Variants in GALNT17 observed in about 807,000 individuals in gnomAD.
The protein encoded by GALNT17 is polypeptide N-acetylgalactosaminyltransferase 17.
A neutral mutation model predicts 63.7 loss-of-function variants in GALNT17; 29 were observed. That is an observed-to-expected ratio of 0.46 (90% CI 0.34 to 0.62). The LOEUF is 0.62. Among genes scored for constraint, GALNT17 ranks in the 20% least tolerant of loss-of-function variants. The probability of loss-of-function intolerance (pLI) is 0.01; values close to 1 mark genes in which losing one functional copy is unlikely to be tolerated. For synonymous variants in GALNT17, 305 were observed against 318.3 expected (o/e 0.96, Z 0.45); for missense variants, 603 against 799.6 (o/e 0.75, Z 2.97).
At chr7:71,595,704 C>CACACAG (rs1789875708) in intron 6 of GALNT17, among the ~76,000 whole-genome samples, 1 of 140,408 alleles carries the variant, frequency 7.1e-6, no homozygotes, top group Non-Finnish European at 1.5e-5. Flanking sequence ...CACACACACA[C>CACACAG]CATATTGCCT....
intron 9 of GALNT17, among the ~76,000 whole-genome samples, chr7:71,702,896 G>A (rs1791672372): frequency 1.3e-5 from 2 of 152,214 alleles, no homozygotes; most frequent in South Asian, 4.1e-4. Flanking sequence ...ATAGATGCTG[G>A]ATGAGTGTAT....
intron 5 of GALNT17, among the ~76,000 whole-genome samples, chr7:71,536,530 C>T (rs201444598): frequency 6.6e-6 from 1 of 152,164 alleles, no homozygotes; most frequent in African/African-American, 2.4e-5. Context: ...GCACTTCTTA[C>T]ATGGCGATGG....
At chr7:71,657,878 ATGGATGGATGGATGGATGGATGGATGGG>A (rs1227251065) in intron 6 of GALNT17, among the ~76,000 whole-genome samples, 2,470 of 27,594 alleles carry the variant, frequency 0.09, 55 homozygotes, top group African/African-American at 0.19. Flanking sequence ...GGATGGATGG[ATGGATGGATGGATGGATGGATGGATGGG>A]TGGATGGATG....
At chr7:71,408,051 A>T (rs1432786432) in intron 3 of GALNT17, among the ~76,000 whole-genome samples, 1 of 152,176 alleles carries the variant, frequency 6.6e-6, no homozygotes, top group South Asian at 2.1e-4. Flanking sequence ...AATGGTCAAA[A>T]CATTTTAAAC....
intron 5 of GALNT17, among the ~76,000 whole-genome samples, chr7:71,426,676 T>G (rs186109394): frequency 5.1e-4 from 77 of 152,188 alleles, no homozygotes; most frequent in African/African-American, 1.8e-3. Context: ...ATCCCAGCAC[T>G]TTGGGAGGCC....
At chr7:71,492,793 T>G (rs368529593) in intron 5 of GALNT17, among the ~76,000 whole-genome samples, 1 of 152,316 alleles carries the variant, frequency 6.6e-6, no homozygotes, top group South Asian at 2.1e-4. Flanking sequence ...CATTATTCCC[T>G]TTTCCTTTCG....
intron 5 of GALNT17, among the ~76,000 whole-genome samples, chr7:71,432,676 A>G (rs1786889169): frequency 6.6e-6 from 1 of 152,224 alleles, no homozygotes; most frequent in Admixed American, 6.5e-5. Context: ...ATTAAAAAAC[A>G]GAAGAAAGAG....
intron 1 of GALNT17, among the ~76,000 whole-genome samples, chr7:71,289,140 T>G (rs986169016): frequency 4.0e-5 from 6 of 151,734 alleles, no homozygotes; most frequent in African/African-American, 1.5e-4. Flanking sequence ...ACAAATAGCT[T>G]AAGGTTAAAA....
Position 71,394,000 on chromosome 7 carries a change from C to T in GALNT17, c.589+5599C>T, listed in dbSNP as rs191862107. Among the ~76,000 whole-genome samples the T allele has an allele frequency of 9.6e-4, 146 of 152,220 alleles. 1 individual carries two copies. The South Asian group carries it at 0.015, about 16-fold the overall frequency. On this transcript the variant is annotated intron_variant, in intron 3 of 10. Coordinates refer to ENST00000333538, the MANE Select transcript of GALNT17 (RefSeq NM_022479.3). ...CTCTCTGCTGATTCTCCCCGATCTT[C>T]TTTTTGCAGCTGTTCTTCTCTTCCT... is the stretch of plus-strand genomic sequence containing the variant.
chr7:71,389,425 G>A (rs1583912012), intron 3 of GALNT17, among the ~76,000 whole-genome samples: 1 of 152,054 alleles, frequency 6.6e-6, no homozygotes, highest in East Asian at 1.9e-4. Context: ...ATGAGCCACC[G>A]TGCCTGGCTG....
At chr7:71,425,553 C>T (rs562903123) in intron 5 of GALNT17, among the ~76,000 whole-genome samples, 1 of 152,070 alleles carries the variant, frequency 6.6e-6, no homozygotes, top group Non-Finnish European at 1.5e-5. Flanking sequence ...AAATCTAGAG[C>T]CTTTGTGAAA....
intron 6 of GALNT17, among the ~76,000 whole-genome samples, chr7:71,587,168 T>C (rs1358844064): frequency 6.6e-6 from 1 of 152,104 alleles, no homozygotes; most frequent in African/African-American, 2.4e-5. Context: ...GCTGAGACTA[T>C]AGGCGCACAC....
intron 2 of GALNT17, among the ~76,000 whole-genome samples, chr7:71,376,743 G>C (rs1170339600): frequency 6.6e-6 from 1 of 151,792 alleles, no homozygotes; most frequent in Admixed American, 6.6e-5. Context: ...ATTGAGACTA[G>C]GAGTTCAAGA....
At chr7:71,194,478 G>A (rs1186824827) in intron 1 of GALNT17, among the ~76,000 whole-genome samples, 2 of 152,158 alleles carry the variant, frequency 1.3e-5, no homozygotes, top group African/African-American at 4.8e-5. Flanking sequence ...TACAGTATTG[G>A]AACTGGAGGA....
chr7:71,133,076 C>T (rs1413056719), intron 1 of GALNT17, 36 bp downstream of exon 1: 5 of 1,470,576 alleles, frequency 3.4e-6, no homozygotes, highest in South Asian at 1.4e-5. Context: ...GGGCTCGACG[C>T]GGGCGGGCCG....
intron 2 of GALNT17, among the ~76,000 whole-genome samples, chr7:71,339,452 T>G (rs943441199): frequency 1.3e-5 from 2 of 152,090 alleles, no homozygotes; most frequent in Non-Finnish European, 2.9e-5. Context: ...TTTGGGAGGC[T>G]AAGGCGGGCG....
chr7:71,266,584 CAGG>C (rs1790496219), intron 1 of GALNT17, among the ~76,000 whole-genome samples: 1 of 152,150 alleles, frequency 6.6e-6, no homozygotes. Context: ...TACCCAGGCT[CAGG>C]TAGAGCTTTA....
At chr7:71,390,264 C>A (rs185758965) in intron 3 of GALNT17, among the ~76,000 whole-genome samples, 1 of 152,120 alleles carries the variant, frequency 6.6e-6, no homozygotes, top group Non-Finnish European at 1.5e-5. Context: ...CTGTTTAAAA[C>A]CGGATTATCT....
At chr7:71,139,885 CAA>C (rs1359370145) in intron 1 of GALNT17, among the ~76,000 whole-genome samples, 1 of 152,140 alleles carries the variant, frequency 6.6e-6, no homozygotes, top group Non-Finnish European at 1.5e-5. Context: ...CCCAGCTACT[CAA>C]GAGGTTGAGG....
Sources: gnomAD v4.1 joint callset for allele counts (sites outside exome capture counted in the v4.1 genomes callset) on GRCh38, gnomAD v4.1.1 for gene constraint, MANE v1.5 for transcripts, NCBI Gene and HGNC (gene_info 2026-07-23, HGNC 2026-07-21) for gene names.